The following SUFU variants were observed in gnomAD, a reference collection of about 807,000 sequenced individuals.
The protein encoded by SUFU is suppressor of fused homolog.
Under a neutral mutation model 58.9 loss-of-function variants are expected in SUFU, and 7 were observed. The observed-to-expected ratio is 0.12, with a 90% confidence interval of 0.07 to 0.22. The LOEUF (loss-of-function observed/expected upper bound fraction) is 0.22. Among genes scored for constraint, SUFU ranks in the 10% least tolerant of loss-of-function variants. The pLI is 1.00. For missense variants in SUFU, 451 were observed against 641.3 expected (o/e 0.70, Z 3.20); for synonymous variants, 232 against 254.8 (o/e 0.91, Z 0.85).
intron 2 of SUFU, among the ~76,000 whole-genome samples, chr10:102,537,262 C>T (rs1411317238): frequency 1.3e-5 from 2 of 151,238 alleles, no homozygotes; most frequent in Non-Finnish European, 2.9e-5. Flanking sequence ...CTCCGAGTAG[C>T]TGGGACCACA....
chr10:102,619,189 G>A lies in SUFU; in HGVS notation c.1296+1761G>A. The A allele has an allele frequency of 6.2e-7, 1 of 1,604,564 alleles. No individual in the cohort carries two copies. The highest frequency in any genetic ancestry group is 8.5e-7 in the Non-Finnish European group (1 of 1,178,198). Reference sequence around the variant, plus strand: ...ACCTTGGCCCCCACAGGACTTCGCAGATGTCACATTGCCCCTCAGTCCCCT... The same window carrying A: ...ACCTTGGCCCCCACAGGACTTCGCAAATGTCACATTGCCCCTCAGTCCCCT... On this transcript the variant is annotated intron_variant, in intron 10 of 11. Transcript: ENST00000369902. This position sits in a 1 kb window ranked among gnomAD's most constrained non-coding sequence, Gnocchi z 4.2.
intron 3 of SUFU, among the ~76,000 whole-genome samples, chr10:102,559,412 C>T (rs907100065): frequency 2.0e-5 from 3 of 152,228 alleles, no homozygotes; most frequent in Non-Finnish European, 4.4e-5. Context: ...ATCAGAGGAA[C>T]CTTGCCTATT....
At position 102,617,164 on chromosome 10, in the gene SUFU, C is replaced by G. The variant is rs985234922; in HGVS notation, c.1158-126C>G. On this transcript the variant is annotated intron_variant, in intron 9 of 11. Coordinates refer to ENST00000369902, the MANE Select transcript of SUFU (RefSeq NM_016169.4). The surrounding 1 kb of genome is among the most constrained non-coding windows in gnomAD (Gnocchi z 4.4). ...CCCCTGTTGATGGGCAGGTGGGCAGCCAGGAGGGCATGTTACCTGGCCCGC... is the reference window on the plus strand; with the variant it reads ...CCCCTGTTGATGGGCAGGTGGGCAGGCAGGAGGGCATGTTACCTGGCCCGC... 92 of 1,244,412 alleles carry G rather than the reference C, an allele frequency of 7.4e-5. No individual in the cohort carries two copies. Among genetic ancestry groups the G allele is most frequent in the Non-Finnish European group, 1.0e-4 (88 of 862,666 alleles). The allele number at this position is 1,244,412 out of a possible 1,614,324, so 77.1% of individuals were successfully genotyped here.
At chr10:102,620,242 C>G (rs2063728743) in intron 10 of SUFU, among the ~76,000 whole-genome samples, 2 of 152,238 alleles carry the variant, frequency 1.3e-5, no homozygotes, top group African/African-American at 2.4e-5. Context: ...ACCAGCCCAG[C>G]CCAGGCCTGT....
At chr10:102,548,819 C>T (rs2062880120) in intron 2 of SUFU, among the ~76,000 whole-genome samples, 1 of 152,128 alleles carries the variant, frequency 6.6e-6, no homozygotes, top group African/African-American at 2.4e-5. Flanking sequence ...TTCCTACAAA[C>T]AGGGAGGCAG....
intron 3 of SUFU, among the ~76,000 whole-genome samples, chr10:102,576,347 T>G (rs1280783200): frequency 6.6e-6 from 1 of 152,180 alleles, no homozygotes; most frequent in African/African-American, 2.4e-5. Flanking sequence ...TTTTCTTTCT[T>G]TAATGTAAAT....
intron 3 of SUFU, chr10:102,572,740 A>G (rs1005737101): frequency 4.1e-6 from 3 of 737,108 alleles, no homozygotes; most frequent in African/African-American, 1.7e-5. Flanking sequence ...ATTTAGAATT[A>G]CCCAGCTGGA....
In SUFU at chr10:102,506,055, A is replaced by G. The variant is rs996466044; in HGVS notation, c.182+1721A>G. ...CTGTTATTTGAAAAAAAAAAAAAAA[A>G]AAAAAAAAAAAGAAGTGGGCCTGGC... On this transcript the variant is annotated intron_variant, in intron 1 of 11. Coordinates refer to ENST00000369902, the MANE Select transcript of SUFU (RefSeq NM_016169.4). Among the ~76,000 whole-genome samples the G allele has an allele frequency of 7.2e-4, 109 of 151,160 alleles. 1 individual carries two copies. Among genetic ancestry groups the G allele is most frequent in the African/African-American group, 2.5e-3 (105 of 41,234 alleles).
rs2062287091 is a variant in SUFU, at chr10:102,504,116, C to T, written c.-37C>T. On this transcript the variant is annotated 5_prime_UTR_variant, in exon 1 of 12. Transcript: ENST00000369902. ...GTCAGTGCTCTCCCCGTCGTTTGCC[C>T]TCTCCAGTTCCCCCAGTGCCTGCCC... is the stretch of plus-strand genomic sequence containing the variant. The T allele has an allele frequency of 2.0e-6, 3 of 1,527,466 alleles. No homozygotes were observed. The African/African-American group carries it at 4.1e-5, about 21-fold the overall frequency. 94.6% of individuals were successfully genotyped at this position (1,527,466 alleles called of 1,614,324 possible). A position where few individuals can be genotyped will look rare whatever the true frequency, so the allele number is the denominator to read the frequency against.
Position 102,632,799 on chromosome 10 carries a change from T to C in SUFU, c.*2644T>C. The C allele has an allele frequency of 4.3e-6, 1 of 233,392 alleles. No individual in the cohort carries two copies. The highest frequency in any genetic ancestry group is 8.5e-6 in the Non-Finnish European group (1 of 118,150). The allele number at this position is 233,392 out of a possible 1,614,324, so 14.5% of individuals were successfully genotyped here. A position where few individuals can be genotyped will look rare whatever the true frequency, so the allele number is the denominator to read the frequency against. ...TTCTGAGAAGGGCCTTTCCCTTTCC[T>C]CTTTGCCTGCTATATAAGGCAGGCT... On this transcript the variant is annotated 3_prime_UTR_variant, in exon 12 of 12. Transcript: ENST00000369902.
intron 3 of SUFU, among the ~76,000 whole-genome samples, chr10:102,589,066 G>T (rs2063365794): frequency 6.6e-6 from 1 of 151,754 alleles, no homozygotes; most frequent in South Asian, 2.1e-4. Context: ...GCAGCTACAG[G>T]TGTGCACTAC....
intron 3 of SUFU, among the ~76,000 whole-genome samples, chr10:102,590,426 A>G (rs897184301): frequency 2.0e-5 from 3 of 151,864 alleles, no homozygotes; most frequent in Non-Finnish European, 2.9e-5. Flanking sequence ...CGGCCTCCCA[A>G]AGTGCTGGGA....
chr10:102,536,336 G>A (rs1439788600), intron 2 of SUFU, among the ~76,000 whole-genome samples: 1 of 147,814 alleles, frequency 6.8e-6, no homozygotes, highest in East Asian at 2.0e-4. Context: ...AAATTATACT[G>A]TAGTAGCCAC....
rs376730651 is a variant in SUFU at position 102,627,555 on chromosome 10, C to T, written c.1365+312C>T. ...GCCTCATTGAAGAGGAAGCCAGGGC[C>T]TTCAGGCTAGTACGAGTTCTCCCCA... On this transcript the variant is annotated intron_variant, in intron 11 of 11. Coordinates refer to ENST00000369902, the MANE Select transcript of SUFU (RefSeq NM_016169.4). Among the ~76,000 whole-genome samples, 14 of 152,372 alleles carry T rather than the reference C, an allele frequency of 9.2e-5. No homozygotes were observed. The East Asian group carries it at 2.7e-3, about 29-fold the overall frequency.
At chr10:102,523,087 T>C (rs1310556445) in intron 2 of SUFU, among the ~76,000 whole-genome samples, 1 of 152,144 alleles carries the variant, frequency 6.6e-6, no homozygotes, top group East Asian at 1.9e-4. Context: ...AGTTGTCCAT[T>C]TGTCAGCGAG....
Position 102,617,778 on chromosome 10 carries a change from A to T in SUFU, c.1296+350A>T. 1.9e-6 allele frequency: 1 copy of T among 537,478 alleles called. No homozygotes were observed. The highest frequency in any genetic ancestry group is 3.5e-5 in the Admixed American group (1 of 28,700). The allele number at this position is 537,478 out of a possible 1,614,324, so 33.3% of individuals were successfully genotyped here. ...CCAAGGTACAAGAACTCAAGGATGA[A>T]GCAAGATGGGAGGATGTGTGGAGGC... On this transcript the variant is annotated intron_variant, in intron 10 of 11. Transcript: ENST00000369902. This position sits in a 1 kb window ranked among gnomAD's most constrained non-coding sequence, Gnocchi z 4.4.
intron 3 of SUFU, among the ~76,000 whole-genome samples, chr10:102,591,253 C>T (rs1185300435): frequency 6.6e-6 from 1 of 152,184 alleles, no homozygotes; most frequent in Non-Finnish European, 1.5e-5. Context: ...GTAATCCCCG[C>T]ACTTTGGGAG....
intron 3 of SUFU, among the ~76,000 whole-genome samples, chr10:102,564,004 G>A (rs184108251): frequency 2.0e-5 from 3 of 152,250 alleles, no homozygotes; most frequent in Admixed American, 6.5e-5. Flanking sequence ...GCCTAAGAAG[G>A]GGACCCTCTT....
intron 10 of SUFU, chr10:102,618,931 C>CGTGTGT (rs59259635): frequency 0.063 from 35,879 of 570,566 alleles, 1,288 homozygotes; most frequent in Admixed American, 0.11. Flanking sequence ...CCTCAGGTAG[C>CGTGTGT]GTGTGTGTGT....
Sources: allele counts gnomAD v4.1 joint callset (sites outside exome capture counted in the v4.1 genomes callset), GRCh38; gene constraint gnomAD v4.1.1; non-coding constraint Gnocchi (gnomAD v3.1); transcripts MANE v1.5; gene names NCBI Gene and HGNC (gene_info 2026-07-23, HGNC 2026-07-21).